The following TSGA10 variants were observed in gnomAD, a reference collection of about 807,000 sequenced individuals.
TSGA10 encodes testis specific 10, also known as testis-specific gene 10 protein.
Under a neutral mutation model 96.6 loss-of-function variants are expected in TSGA10, and 43 were observed. That is an observed-to-expected ratio of 0.44 (90% CI 0.35 to 0.57). The LOEUF (loss-of-function observed/expected upper bound fraction) is 0.57, where lower values mean the gene tolerates loss of function less well. Among genes scored for constraint, TSGA10 ranks in the 20% least tolerant of loss-of-function variants. TSGA10 has a pLI of 0.01. For synonymous variants in TSGA10, 229 were observed against 269.9 expected (o/e 0.85, Z 1.48); for missense variants, 703 against 834.4 (o/e 0.84, Z 1.94).
chr2:99,093,035 A>G (rs2089543668), intron 10 of TSGA10, among the ~76,000 whole-genome samples: 1 of 152,248 alleles, frequency 6.6e-6, no homozygotes, highest in African/African-American at 2.4e-5. Context: ...CCAACAGCAT[A>G]TCAAAAAGAT....
intron 1 of TSGA10, among the ~76,000 whole-genome samples, chr2:99,152,221 A>C (rs1358224589): frequency 6.6e-6 from 1 of 152,242 alleles, no homozygotes; most frequent in Non-Finnish European, 1.5e-5. Flanking sequence ...TATAAGATGC[A>C]AATTGTGATA....
At chr2:99,109,689 T>G (rs1348955220) in intron 5 of TSGA10, 177 bp from the exon 6 acceptor site, 3 of 357,606 alleles carry the variant, frequency 8.4e-6, no homozygotes, top group Non-Finnish European at 1.4e-5. Flanking sequence ...ATTTAAAAAA[T>G]TATATATCAG....
chr2:99,147,477 A>G lies in TSGA10; in HGVS notation c.-621+7216T>C. The stretch of plus-strand genomic sequence containing the variant: ...GACTTGTTCACCCTTCATGTCCTCA[A>G]CTCTGGGGAAGTTAAGGTAAGACTC... On this transcript the variant is annotated intron_variant, in intron 1 of 20. Transcript: ENST00000393483. 2.5e-6 allele frequency: 4 copies of G among 1,613,868 alleles called. 1 individual carries two copies. In the South Asian group the frequency reaches 4.4e-5, roughly 18 times the overall value.
intron 2 of TSGA10, chr2:99,124,643 G>A (rs1294970040): frequency 2.6e-5 from 4 of 151,830 alleles, no homozygotes; most frequent in African/African-American, 4.8e-5. Flanking sequence ...GGAGTGCAGC[G>A]GCATGATCTT....
At chr2:99,051,622 C>G (rs1373984183) in intron 16 of TSGA10, among the ~76,000 whole-genome samples, 1 of 151,926 alleles carries the variant, frequency 6.6e-6, no homozygotes, top group Non-Finnish European at 1.5e-5. Context: ...ACATTATAAA[C>G]CAATCAGGCC....
intron 12 of TSGA10, among the ~76,000 whole-genome samples, chr2:99,077,212 C>G (rs1285172327): frequency 8.0e-6 from 1 of 125,074 alleles, no homozygotes. Context: ...ACAAACTAGG[C>G]TCACTGCAAC....
intron 14 of TSGA10, among the ~76,000 whole-genome samples, chr2:99,071,218 T>C (rs2085920000): frequency 6.6e-6 from 1 of 152,124 alleles, no homozygotes; most frequent in South Asian, 2.1e-4. Flanking sequence ...TAAATGTTAT[T>C]GGAAATGAGA....
At chr2:99,141,108 C>A (rs781634496) in intron 1 of TSGA10, 30 of 1,284,636 alleles carry the variant, frequency 2.3e-5, no homozygotes, top group East Asian at 1.8e-4. Flanking sequence ...CCTCCCCGGG[C>A]TCCTCGGCCC....
Position 99,117,747 on chromosome 2 carries a change from T to C in TSGA10, c.-343A>G. 1 of 985,626 alleles carries C rather than the reference T, an allele frequency of 1.0e-6. No homozygotes were observed. Among genetic ancestry groups the C allele is most frequent in the Non-Finnish European group, 1.2e-6 (1 of 829,728 alleles). The allele number at this position is 985,626 out of a possible 1,614,324, so 61.1% of individuals were successfully genotyped here. A position where few individuals can be genotyped will look rare whatever the true frequency, so the allele number is the denominator to read the frequency against. On this transcript the variant is annotated 5_prime_UTR_variant, in exon 4 of 21. Coordinates refer to ENST00000393483, the MANE Select transcript of TSGA10 (RefSeq NM_025244.4). ...TCTTCCAAGCCATGATTTGTCTGTTTGAGATCTTCAATCTGTTATTATCAG... is the reference window on the plus strand; with the variant it reads ...TCTTCCAAGCCATGATTTGTCTGTTCGAGATCTTCAATCTGTTATTATCAG...
chr2:99,078,047 G>A (rs1476991387), intron 12 of TSGA10, among the ~76,000 whole-genome samples: 3 of 151,088 alleles, frequency 2.0e-5, no homozygotes, highest in Non-Finnish European at 4.4e-5. Flanking sequence ...TGAGGTGGGC[G>A]GATCACGAGG....
intron 10 of TSGA10, among the ~76,000 whole-genome samples, chr2:99,095,731 C>T (rs1262147217): frequency 6.6e-6 from 1 of 152,222 alleles, no homozygotes. Flanking sequence ...ACTTCTGACT[C>T]TCTAGTTCAA....
At chr2:99,146,484 AT>A (rs1265753016) in intron 1 of TSGA10, among the ~76,000 whole-genome samples, 1 of 15,206 alleles carries the variant, frequency 6.6e-5, no homozygotes, top group African/African-American at 4.9e-4. Context: ...ATTATGAGTA[AT>A]CAAACTCACT....
intron 17 of TSGA10, among the ~76,000 whole-genome samples, chr2:99,023,375 TTGA>T (rs781616879): frequency 1.3e-5 from 2 of 152,212 alleles, no homozygotes; most frequent in Admixed American, 6.5e-5. Flanking sequence ...TGCCACTTTC[TTGA>T]TGATATCATT....
intron 16 of TSGA10, among the ~76,000 whole-genome samples, chr2:99,061,917 G>A (rs1361464145): frequency 6.6e-6 from 1 of 152,198 alleles, no homozygotes; most frequent in Non-Finnish European, 1.5e-5. Flanking sequence ...CACCAAGGAT[G>A]TGCATGCACA....
intron 1 of TSGA10, chr2:99,141,028 C>T (rs1301255514): frequency 1.7e-6 from 2 of 1,195,480 alleles, no homozygotes; most frequent in Admixed American, 3.0e-5. Flanking sequence ...TTCTCAGAGA[C>T]CTTCCAGTCC....
rs2091420046 is a variant in TSGA10 at position 99,107,058 on chromosome 2, TCA to T, written c.211-1363_211-1362del. On this transcript the variant is annotated intron_variant, in intron 7 of 20. Coordinates refer to ENST00000393483, the MANE Select transcript of TSGA10 (RefSeq NM_025244.4). ...TATCTTACTCTGTCTAAAAACAAAC[TCA>T]CATCTTTTTCCTCAAACCACCAATG... Among the ~76,000 whole-genome samples, 3 of 152,266 alleles carry T rather than the reference TCA, an allele frequency of 2.0e-5. No individual in the cohort carries two copies. The South Asian group carries it at 6.2e-4, about 32-fold the overall frequency.
At chr2:99,002,070 T>A (rs1447772592) in intron 20 of TSGA10, among the ~76,000 whole-genome samples, 1 of 152,134 alleles carries the variant, frequency 6.6e-6, no homozygotes, top group Non-Finnish European at 1.5e-5. Flanking sequence ...CTGCGGGATA[T>A]TATCCAGGAG....
chr2:99,074,548 G>A (rs1440479572), intron 12 of TSGA10, among the ~76,000 whole-genome samples: 5 of 151,652 alleles, frequency 3.3e-5, no homozygotes, highest in South Asian at 2.1e-4. Context: ...ACAAGCCAAC[G>A]AAGGAAAAAC....
At chr2:99,044,954 C>G (rs924139208) in intron 16 of TSGA10, among the ~76,000 whole-genome samples, 39 of 152,084 alleles carry the variant, frequency 2.6e-4, no homozygotes, top group Admixed American at 2.5e-3. Flanking sequence ...AAAATGAAGG[C>G]AGAAATAAAG....
Sources: gnomAD v4.1 joint callset for allele counts (sites outside exome capture counted in the v4.1 genomes callset) on GRCh38, gnomAD v4.1.1 for gene constraint, MANE v1.5 for transcripts, NCBI Gene and HGNC (gene_info 2026-07-23, HGNC 2026-07-21) for gene names.